The following MTA3 variants were observed in gnomAD, a reference collection of about 807,000 sequenced individuals.
MTA3 encodes the protein metastasis associated 1 family member 3, also known as metastasis-associated protein MTA3.
MTA3 carries 34 observed loss-of-function variants against 83.5 expected under a neutral mutation model. The observed-to-expected ratio is 0.41, with a 90% CI of 0.31 to 0.54. The LOEUF (loss-of-function observed/expected upper bound fraction) is 0.54, where lower values mean the gene tolerates loss of function less well. Ranked by LOEUF, MTA3 falls within the 20% of genes least tolerant of loss-of-function variation. MTA3 has a pLI of 0.33. For missense variants in MTA3, 761 were observed against 726.4 expected, an observed-to-expected ratio of 1.05 and a Z score of -0.55; for synonymous variants, 303 against 252.7, an observed-to-expected ratio of 1.20 and a Z score of -1.89.
rs1670093320 is a variant in MTA3 at position 42,754,297 on chromosome 2, C to A, written c.*898C>A. 1 of 985,482 alleles carries A rather than the reference C, an allele frequency of 1.0e-6. No homozygotes were observed. Among genetic ancestry groups the A allele is most frequent in the African/African-American group, 1.7e-5 (1 of 57,354 alleles). The allele number at this position is 985,482 out of a possible 1,614,324, so 61.0% of individuals were successfully genotyped here. On this transcript the variant is annotated 3_prime_UTR_variant, in exon 17 of 17. Transcript: ENST00000405094. Reference sequence around the variant, plus strand: ...ATGACCTAGTTTCATTTTAAGCAGACAGACTCTGTTTGGCCTAGAGGTGTG... The same window carrying A: ...ATGACCTAGTTTCATTTTAAGCAGAAAGACTCTGTTTGGCCTAGAGGTGTG...
intron 16 of MTA3, among the ~76,000 whole-genome samples, chr2:42,726,444 T>C (rs1667825775): frequency 6.6e-6 from 1 of 152,014 alleles, no homozygotes; most frequent in South Asian, 2.1e-4. Context: ...CATGCTGGTG[T>C]GCTGCACCCA....
intron 8 of MTA3, among the ~76,000 whole-genome samples, chr2:42,682,174 G>A (rs1404461897): frequency 6.6e-6 from 1 of 152,080 alleles, no homozygotes; most frequent in Non-Finnish European, 1.5e-5. Context: ...TGGGAATAGA[G>A]GGATACCCTG....
intron 5 of MTA3, among the ~76,000 whole-genome samples, chr2:42,642,153 CT>C (rs973014163): frequency 6.6e-6 from 1 of 152,090 alleles, no homozygotes; most frequent in Non-Finnish European, 1.5e-5. Flanking sequence ...TTTTCTTCTT[CT>C]TTTTTACAAC....
rs1418296316 is a variant in MTA3, at chr2:42,719,196, C to A, written c.1612+122C>A. ...CCCTTCAAATAGCCGAAATTGGATA[C>A]CTTTATATAGTCAGTTTATTTTGTT... On this transcript the variant is annotated intron_variant, in intron 15 of 16. Transcript: ENST00000405094. The A allele has an allele frequency of 4.6e-6, 3 of 657,020 alleles. No homozygotes were observed. The South Asian group carries it at 5.9e-5, about 13-fold the overall frequency. 40.7% of individuals were successfully genotyped at this position (657,020 alleles called of 1,614,324 possible).
intron 4 of MTA3, among the ~76,000 whole-genome samples, chr2:42,612,217 C>A (rs1311138628): frequency 6.6e-6 from 1 of 152,088 alleles, no homozygotes; most frequent in Non-Finnish European, 1.5e-5. Context: ...GCCATATGCA[C>A]TTTTTATCGA....
intron 9 of MTA3, among the ~76,000 whole-genome samples, chr2:42,695,135 A>G (rs894060828): frequency 6.6e-6 from 1 of 151,956 alleles, no homozygotes; most frequent in African/African-American, 2.4e-5. Context: ...CTTAAATAAA[A>G]AGAGAAAGAA....
intron 2 of MTA3, 53 bp from the exon 3 acceptor site, chr2:42,579,054 T>C: frequency 8.0e-7 from 1 of 1,254,080 alleles, no homozygotes. Context: ...GTTGTATAAA[T>C]TATTTGACTC....
intron 7 of MTA3, among the ~76,000 whole-genome samples, chr2:42,658,393 C>T (rs963087079): frequency 2.0e-5 from 3 of 152,082 alleles, no homozygotes; most frequent in Non-Finnish European, 4.4e-5. Context: ...TCATAGTAAC[C>T]CCAAACTGGA....
intron 3 of MTA3, among the ~76,000 whole-genome samples, chr2:42,584,786 G>C (rs185069969): frequency 6.6e-6 from 1 of 152,064 alleles, no homozygotes; most frequent in Non-Finnish European, 1.5e-5. Flanking sequence ...AGGATTGCTT[G>C]AGCCCAGGAG....
intron 4 of MTA3, among the ~76,000 whole-genome samples, chr2:42,634,469 A>G (rs922526904): frequency 2.6e-5 from 4 of 152,004 alleles, no homozygotes; most frequent in East Asian, 1.9e-4. Flanking sequence ...AGAGAAGGAG[A>G]AGGAGGAACT....
intron 16 of MTA3, among the ~76,000 whole-genome samples, chr2:42,736,919 T>G (rs1013265111): frequency 1.3e-5 from 2 of 152,064 alleles, no homozygotes; most frequent in African/African-American, 2.4e-5. Context: ...TCAAATGTCA[T>G]CTGGGAGTTA....
At chr2:42,607,056 G>A (rs1426448135) in intron 3 of MTA3, among the ~76,000 whole-genome samples, 6 of 140,968 alleles carry the variant, frequency 4.3e-5, no homozygotes, top group Non-Finnish European at 7.7e-5. Flanking sequence ...GAGGGAGACC[G>A]GAGGTAGAGG....
intron 2 of MTA3, among the ~76,000 whole-genome samples, chr2:42,511,353 C>CAA (rs368131308): frequency 5.7e-4 from 73 of 129,188 alleles, no homozygotes; most frequent in African/African-American, 7.7e-4. Context: ...CTTTCTACGT[C>CAA]AAAAAAAAAA....
At chr2:42,579,221 T>A (rs1373050948) in intron 3 of MTA3, 21 bp downstream of exon 3, 3 of 1,527,856 alleles carry the variant, frequency 2.0e-6, no homozygotes, top group Non-Finnish European at 8.8e-7. Flanking sequence ...TTTCTCTGAT[T>A]AAAAAAACGT....
intron 6 of MTA3, among the ~76,000 whole-genome samples, chr2:42,648,128 T>A (rs902899314): frequency 2.6e-5 from 4 of 152,180 alleles, no homozygotes; most frequent in African/African-American, 9.7e-5. Flanking sequence ...GGCATGAGCC[T>A]CTGCACCCAG....
chr2:42,594,797 G>C (rs1302668286), intron 3 of MTA3, among the ~76,000 whole-genome samples: 3 of 132,848 alleles, frequency 2.3e-5, no homozygotes, highest in South Asian at 2.5e-4. Flanking sequence ...CGCGATCTCA[G>C]CTCACTGTAA....
rs576492018 is a variant in MTA3, at chr2:42,656,437, C to G, written c.602+135C>G. ...TTATTTTTTTAGTTAGGTAAGAAAGCTTAATACGTTATGCTGCTTCCTAAT... is the reference window on the plus strand; with the variant it reads ...TTATTTTTTTAGTTAGGTAAGAAAGGTTAATACGTTATGCTGCTTCCTAAT... On this transcript the variant is annotated intron_variant, in intron 7 of 16. Coordinates refer to ENST00000405094, the MANE Select transcript of MTA3 (RefSeq NM_001330442.2). The G allele has an allele frequency of 1.4e-4, 68 of 471,712 alleles. 3 individuals carry two copies. In the South Asian group the frequency reaches 3.0e-3, roughly 21 times the overall value. The allele number at this position is 471,712 out of a possible 1,614,324, so 29.2% of individuals were successfully genotyped here. A position where few individuals can be genotyped will look rare whatever the true frequency, so the allele number is the denominator to read the frequency against.
Position 42,609,549 on chromosome 2 carries a change from A to G in MTA3, c.282A>G (p.Ser94=), listed in dbSNP as rs759182914. Reference sequence around the variant, plus strand: ...TGAAACATAGGGAACTCTTTTTGTCACGCCAGTATGAATCTCTGCCCGCAA... The same window carrying G: ...TGAAACATAGGGAACTCTTTTTGTCGCGCCAGTATGAATCTCTGCCCGCAA... The part of the protein sequence containing the change: ...HQLKHRELFL[S]RQYESLPATH... The change falls in exon 4 of 17, where the codon TCA becomes TCG. Residue 94 remains serine, a synonymous_variant. Transcript: ENST00000405094. The G allele has an allele frequency of 3.1e-6, 5 of 1,613,830 alleles. No homozygotes were observed. Among genetic ancestry groups the G allele is most frequent in the Non-Finnish European group, 8.5e-7 (1 of 1,179,796 alleles).
intron 16 of MTA3, among the ~76,000 whole-genome samples, chr2:42,748,763 C>CAT (rs1225313698): frequency 1.2e-4 from 18 of 152,186 alleles, no homozygotes; most frequent in African/African-American, 4.3e-4. Context: ...TATTTAAATG[C>CAT]ATACTGGGTC....
Sources: gnomAD v4.1 joint callset for allele counts (sites outside exome capture counted in the v4.1 genomes callset) on GRCh38, gnomAD v4.1.1 for gene constraint, MANE v1.5 for transcripts, NCBI Gene and HGNC (gene_info 2026-07-23, HGNC 2026-07-21) for gene names.